SGK3: variants seen among roughly 807,000 people sequenced by gnomAD.
SGK3 encodes the protein serine/threonine-protein kinase Sgk3.
SGK3 carries 47 observed loss-of-function variants against 68.5 expected under a neutral mutation model. The ratio of observed to expected loss-of-function variants is 0.69; its 90% CI spans 0.54 to 0.87. The LOEUF (loss-of-function observed/expected upper bound fraction) is 0.87, where lower values mean the gene tolerates loss of function less well. SGK3 is among the 40% of genes least tolerant of loss of function. The pLI is 0.00. For synonymous variants in SGK3, 181 were observed against 189.1 expected, an observed-to-expected ratio of 0.96 and a Z score of 0.35; for missense variants, 479 against 575.5, an observed-to-expected ratio of 0.83 and a Z score of 1.72.
chr8:66,751,742 TTTTATTTA>T (rs61222034), intron 1 of SGK3, among the ~76,000 whole-genome samples: 118 of 147,864 alleles, frequency 8.0e-4, no homozygotes, highest in African/African-American at 1.4e-3. Context: ...AAATCATTCA[TTTTATTTA>T]TTTATTTATT....
intron 1 of SGK3, among the ~76,000 whole-genome samples, chr8:66,779,296 T>A (rs1806853304): frequency 6.6e-6 from 1 of 152,072 alleles, no homozygotes; most frequent in Non-Finnish European, 1.5e-5. Flanking sequence ...GTCAATGATT[T>A]TATTTTACTT....
intron 1 of SGK3, among the ~76,000 whole-genome samples, chr8:66,746,791 C>T (rs916311771): frequency 6.6e-6 from 1 of 151,884 alleles, no homozygotes; most frequent in Non-Finnish European, 1.5e-5. Context: ...GAACTCCTGG[C>T]CTCAAGTGAT....
At chr8:66,817,044 G>A (rs1010581960) in intron 5 of SGK3, among the ~76,000 whole-genome samples, 2 of 151,240 alleles carry the variant, frequency 1.3e-5, no homozygotes, top group African/African-American at 2.4e-5. Flanking sequence ...GGGCCAGGCT[G>A]GGTTGGAACT....
At chr8:66,818,382 A>G (rs1473022274) in intron 5 of SGK3, among the ~76,000 whole-genome samples, 1 of 152,218 alleles carries the variant, frequency 6.6e-6, no homozygotes, top group Admixed American at 6.5e-5. Context: ...TATTTAAGAA[A>G]TGAAATGGAA....
chr8:66,845,416 A>AAAAAACC (rs1491254677), intron 14 of SGK3, among the ~76,000 whole-genome samples: 2 of 151,844 alleles, frequency 1.3e-5, no homozygotes, highest in East Asian at 3.8e-4. Flanking sequence ...AACAAAAAAC[A>AAAAAACC]AAAAAAGTCA....
chr8:66,834,705 G>A (rs912224553), intron 8 of SGK3, among the ~76,000 whole-genome samples: 4 of 152,090 alleles, frequency 2.6e-5, no homozygotes, highest in South Asian at 2.1e-4. Context: ...AGGCCCAGAC[G>A]GGTGGATCAC....
intron 10 of SGK3, among the ~76,000 whole-genome samples, chr8:66,839,559 T>TATATATATATATATATATA (rs1563654706): frequency 1.4e-5 from 1 of 70,334 alleles, no homozygotes; most frequent in Non-Finnish European, 2.6e-5. Flanking sequence ...ATATATATAT[T>TATATATATATATATATATA]TTCATATGGG....
At chr8:66,741,119 C>A (rs1805466431) in intron 1 of SGK3, among the ~76,000 whole-genome samples, 1 of 152,102 alleles carries the variant, frequency 6.6e-6, no homozygotes, top group Admixed American at 6.6e-5. Flanking sequence ...GGTAGACTTT[C>A]TACAGAGTAA....
At chr8:66,834,624 AAACC>A (rs992487377) in intron 8 of SGK3, among the ~76,000 whole-genome samples, 9 of 152,110 alleles carry the variant, frequency 5.9e-5, no homozygotes, top group Non-Finnish European at 1.2e-4. Flanking sequence ...AAATGATTAG[AAACC>A]AACAAAGTGC....
At chr8:66,810,306 G>A (rs1808333954) in intron 4 of SGK3, among the ~76,000 whole-genome samples, 1 of 152,012 alleles carries the variant, frequency 6.6e-6, no homozygotes, top group Admixed American at 6.6e-5. Flanking sequence ...GAGGAATGAG[G>A]ATAAATGAAA....
At chr8:66,823,130 G>A (rs1016154848) in intron 6 of SGK3, among the ~76,000 whole-genome samples, 6 of 152,026 alleles carry the variant, frequency 3.9e-5, no homozygotes, top group Admixed American at 2.6e-4. Context: ...TTTTAATTAT[G>A]CAGTGTATAC....
intron 13 of SGK3, among the ~76,000 whole-genome samples, chr8:66,841,707 A>T (rs1315865060): frequency 6.6e-6 from 1 of 152,206 alleles, no homozygotes; most frequent in African/African-American, 2.4e-5. Flanking sequence ...GTGTTTACTT[A>T]CTAGAAGAAA....
intron 1 of SGK3, among the ~76,000 whole-genome samples, chr8:66,720,920 T>C (rs1310004796): frequency 6.6e-6 from 1 of 152,086 alleles, no homozygotes; most frequent in Non-Finnish European, 1.5e-5. Flanking sequence ...CACTCCAGCT[T>C]GGGTGACAGA....
chr8:66,846,693 G>A (rs1213714060), intron 14 of SGK3, among the ~76,000 whole-genome samples: 2 of 152,138 alleles, frequency 1.3e-5, no homozygotes, highest in African/African-American at 4.8e-5. Context: ...AAGTCTTTTG[G>A]CTGTTGCGGT....
At chr8:66,772,617 G>C (rs982023728) in intron 1 of SGK3, among the ~76,000 whole-genome samples, 7 of 148,864 alleles carry the variant, frequency 4.7e-5, no homozygotes, top group Non-Finnish European at 1.0e-4. Context: ...TTGGAGTGCA[G>C]TGGTGCAATC....
intron 1 of SGK3, among the ~76,000 whole-genome samples, chr8:66,765,034 A>T (rs1806277188): frequency 6.6e-6 from 1 of 152,162 alleles, no homozygotes; most frequent in African/African-American, 2.4e-5. Context: ...GCAAGTAAGT[A>T]TTTGTTTGAA....
At chr8:66,858,349 C>G (rs1810609542) in intron 16 of SGK3, among the ~76,000 whole-genome samples, 1 of 151,808 alleles carries the variant, frequency 6.6e-6, no homozygotes, top group South Asian at 2.1e-4. Flanking sequence ...GCCTGTAGTC[C>G]CAGCTACTCG....
At chr8:66,772,002 A>G (rs558756447) in intron 1 of SGK3, among the ~76,000 whole-genome samples, 2 of 149,286 alleles carry the variant, frequency 1.3e-5, no homozygotes, top group African/African-American at 4.9e-5. Flanking sequence ...ATAATATTTC[A>G]GATAAAAATA....
chr8:66,860,683 A>G lies in SGK3; in HGVS notation c.*1102A>G, dbSNP rs565472297. On this transcript the variant is annotated 3_prime_UTR_variant, in exon 17 of 17. Transcript: ENST00000521198. The stretch of plus-strand genomic sequence containing the variant: ...TACAAATACATTATATTTATGTTCT[A>G]TTCATCTTTTGAATGTTTAGTATGC... 3.9e-4 allele frequency: 59 copies of G among 152,300 alleles called. No individual in the cohort carries two copies. Among genetic ancestry groups the G allele is most frequent in the African/African-American group, 1.3e-3 (55 of 41,570 alleles). The allele number at this position is 152,300 out of a possible 1,614,324, so 9.4% of individuals were successfully genotyped here.
Sources: gnomAD v4.1 joint callset for allele counts (sites outside exome capture counted in the v4.1 genomes callset) on GRCh38, gnomAD v4.1.1 for gene constraint, MANE v1.5 for transcripts, NCBI Gene and HGNC (gene_info 2026-07-23, HGNC 2026-07-21) for gene names.